Variants in ASB10 observed in about 807,000 individuals in gnomAD.
The protein encoded by ASB10 is ankyrin repeat and SOCS box containing 10, also known as ankyrin repeat and SOCS box protein 10.
Under a neutral mutation model 35.4 loss-of-function variants are expected in ASB10, and 44 were observed. The observed-to-expected ratio is 1.24, with a 90% CI of 0.98 to 1.60. ASB10 has a LOEUF of 1.60. ASB10 is among the 40% of genes most tolerant of loss of function. The pLI is 0.00. For missense variants in ASB10, 647 were observed against 634.3 expected (o/e 1.02, Z -0.22); for synonymous variants, 294 against 280.4 (o/e 1.05, Z -0.49).
upstream of ASB10, chr7:151,187,527 A>G (rs972142753): frequency 1.4e-5 from 21 of 1,551,308 alleles, no homozygotes; most frequent in Middle Eastern, 1.7e-4. The surrounding 1 kb of genome is among the most constrained non-coding windows in gnomAD (Gnocchi z 5.3). Context: ...TGCGGGGGGA[A>G]CAGCTCCTGC....
rs1563563641 is a variant in ASB10, at chr7:151,175,967, CT to C, written c.*1-2del. The C allele has an allele frequency of 4.7e-6, 5 of 1,074,314 alleles. No individual in the cohort carries two copies. Among genetic ancestry groups the C allele is most frequent in the Admixed American group, 6.0e-5 (2 of 33,422 alleles). The allele number at this position is 1,074,314 out of a possible 1,614,324, so 66.5% of individuals were successfully genotyped here. ...GGCCCTCTCAAAAGGCCATGGACAT[CT>C]GGAAGGAGAGGTTTGGATTCAGAGG... On this transcript the variant is annotated splice_acceptor_variant, in intron 5 of 5. Transcript: ENST00000420175. LOFTEE classifies it low-confidence loss of function (3UTR_SPLICE).
rs1257217829 is a variant in ASB10, at chr7:151,186,391, C to T, written c.584+1G>A. 2 of 1,582,596 alleles carry T rather than the reference C, an allele frequency of 1.3e-6. No homozygotes were observed. The highest frequency in any genetic ancestry group is 1.8e-5 in the Admixed American group (1 of 55,606). On this transcript the variant is annotated splice_donor_variant, in intron 2 of 5. Coordinates refer to ENST00000420175, the MANE Select transcript of ASB10 (RefSeq NM_001142459.2). LOFTEE classifies it high-confidence loss of function. ...GGGGGTTGGGGTGAGGGGTCACTCA[C>T]TCAAGGGTGCCAGGCCCCCGGCAGA... is the stretch of plus-strand genomic sequence containing the variant.
intron 2 of ASB10, among the ~76,000 whole-genome samples, chr7:151,181,795 G>A (rs764975130): frequency 8.0e-4 from 121 of 152,020 alleles, no homozygotes; most frequent in Non-Finnish European, 1.4e-3. Flanking sequence ...TGTGTATTTA[G>A]TAGAGATGGG....
In ASB10 at chr7:151,181,184, C is replaced by T. The variant is rs1300802233; in HGVS notation, c.859G>A (p.Ala287Thr). 15 of 1,611,876 alleles carry T rather than the reference C, an allele frequency of 9.3e-6. No homozygotes were observed. Among genetic ancestry groups the T allele is most frequent in the Admixed American group, 5.0e-5 (3 of 59,966 alleles). The part of the protein sequence containing the change: ...CSLLLSAGAD[A>T]DAADQDKQRP... ...TGCTTGTCCTGGTCCGCAGCATCAG[C>T]GTCTGCTCCAGCTGAAAGCAGCAAG... Residue 287 changes from alanine to threonine, a missense_variant, in exon 3 of 6, where the codon GCT becomes ACT. Physicochemically the swap from Ala to Thr is moderately conservative, Grantham distance 58. Transcript: ENST00000420175.
At chr7:151,184,180 G>A (rs564136911) in intron 2 of ASB10, among the ~76,000 whole-genome samples, 1 of 152,132 alleles carries the variant, frequency 6.6e-6, no homozygotes, top group African/African-American at 2.4e-5. Flanking sequence ...TTGGGAGGCC[G>A]AGGTGGGTGG....
chr7:151,175,875 T>C lies in ASB10; in HGVS notation c.*92A>G. Reference sequence around the variant, plus strand: ...CTGCCTGCGGAGCTGGGCCTCCTGCTGCCAGGGCTACCTGGCCTGAGTTAG... The same window carrying C: ...CTGCCTGCGGAGCTGGGCCTCCTGCCGCCAGGGCTACCTGGCCTGAGTTAG... On this transcript the variant is annotated 3_prime_UTR_variant, in exon 6 of 6. Coordinates refer to ENST00000420175, the MANE Select transcript of ASB10 (RefSeq NM_001142459.2). 3.8e-6 allele frequency: 2 copies of C among 522,968 alleles called. No individual in the cohort carries two copies. Among genetic ancestry groups the C allele is most frequent in the South Asian group, 5.9e-5 (2 of 34,054 alleles). The allele number at this position is 522,968 out of a possible 1,614,324, so 32.4% of individuals were successfully genotyped here.
At position 151,176,395 on chromosome 7, in the gene ASB10, G is replaced by T. The variant is rs567980404; in HGVS notation, c.1219-98C>A. 4.8e-6 allele frequency: 7 copies of T among 1,473,008 alleles called. No homozygotes were observed. The African/African-American group carries it at 7.1e-5, about 15-fold the overall frequency. The allele number at this position is 1,473,008 out of a possible 1,614,324, so 91.2% of individuals were successfully genotyped here. ...GCTGGTGAGGGGTGGGGCATCTACC[G>T]GAAGGAACCTATTAGAAACAATGAA... is the stretch of plus-strand genomic sequence containing the variant. On this transcript the variant is annotated intron_variant, in intron 4 of 5. Coordinates refer to ENST00000420175, the MANE Select transcript of ASB10 (RefSeq NM_001142459.2).
At position 151,175,903 on chromosome 7, in the gene ASB10, C is replaced by T; in HGVS notation, c.*64G>A. 1 of 611,692 alleles carries T rather than the reference C, an allele frequency of 1.6e-6. No individual in the cohort carries two copies. The highest frequency in any genetic ancestry group is 2.3e-5 in the South Asian group (1 of 43,390). 37.9% of individuals were successfully genotyped at this position (611,692 alleles called of 1,614,324 possible). ...CAGGGCTACCTGGCCTGAGTTAGTG[C>T]AGAGGCGCGCCCTCTGCAGGCTGGG... On this transcript the variant is annotated 3_prime_UTR_variant, in exon 6 of 6. Coordinates refer to ENST00000420175, the MANE Select transcript of ASB10 (RefSeq NM_001142459.2).
At chr7:151,184,607 G>A (rs1047035580) in intron 2 of ASB10, among the ~76,000 whole-genome samples, 3 of 152,154 alleles carry the variant, frequency 2.0e-5, no homozygotes, top group Non-Finnish European at 4.4e-5. Flanking sequence ...TGGGGTGGGT[G>A]GTTAGTGTTT....
At chr7:151,185,182 A>G (rs1347376321) in intron 2 of ASB10, among the ~76,000 whole-genome samples, 4 of 141,294 alleles carry the variant, frequency 2.8e-5, no homozygotes, top group Non-Finnish European at 6.0e-5. Flanking sequence ...GGCGCAATCT[A>G]ATCTCCGCTC....
intron 2 of ASB10, among the ~76,000 whole-genome samples, chr7:151,183,095 T>A (rs1584816101): frequency 6.6e-6 from 1 of 152,198 alleles, no homozygotes; most frequent in Non-Finnish European, 1.5e-5. Flanking sequence ...GTTCTTGAAA[T>A]GTGGCTAATC....
At position 151,184,400 on chromosome 7, in the gene ASB10, A is replaced by G. The variant is rs550092595; in HGVS notation, c.584+1992T>C. Reference sequence around the variant, plus strand: ...TGCACTCCAGCCTGGGCGACAGAGTAAAAAAAAAAAAAAGAAAGGAAGGAA... The same window carrying G: ...TGCACTCCAGCCTGGGCGACAGAGTGAAAAAAAAAAAAAGAAAGGAAGGAA... On this transcript the variant is annotated intron_variant, in intron 2 of 5. Transcript: ENST00000420175. Among the ~76,000 whole-genome samples, 26 of 48,904 alleles carry G rather than the reference A, an allele frequency of 5.3e-4. No individual in the cohort carries two copies. The South Asian group carries it at 0.01, about 19-fold the overall frequency. 32.1% of individuals were successfully genotyped at this position (48,904 alleles called of 152,430 possible).
At chr7:151,176,431 T>A (rs1426721606) in intron 4 of ASB10, 132 bp downstream of exon 4, 7 of 1,459,540 alleles carry the variant, frequency 4.8e-6, no homozygotes, top group Non-Finnish European at 5.5e-6. Flanking sequence ...TGTTTGAGTG[T>A]TCACTCTGCA....
chr7:151,187,674 AC>A, upstream of ASB10: 1 of 1,507,898 alleles, frequency 6.6e-7, no homozygotes, highest in Non-Finnish European at 8.9e-7. This position sits in a 1 kb window ranked among gnomAD's most constrained non-coding sequence, Gnocchi z 5.3. Context: ...GAGGGAAGGC[AC>A]CCCAGATGGT....
chr7:151,187,600 T>C, upstream of ASB10: 1 of 1,545,998 alleles, frequency 6.5e-7, no homozygotes, highest in Non-Finnish European at 8.8e-7. This position sits in a 1 kb window ranked among gnomAD's most constrained non-coding sequence, Gnocchi z 5.3. Flanking sequence ...AGAGCAGTGG[T>C]GATGGCCGAG....
chr7:151,176,006 C>G, intron 5 of ASB10, 40 bp from the exon 6 acceptor site: 1 of 1,338,718 alleles, frequency 7.5e-7, no homozygotes, highest in Non-Finnish European at 1.0e-6. Context: ...TCTGGTGGTT[C>G]GGGGACGGGC....
At chr7:151,176,947 G>T (rs990847434) in intron 3 of ASB10, among the ~76,000 whole-genome samples, 1 of 152,210 alleles carries the variant, frequency 6.6e-6, no homozygotes, top group Non-Finnish European at 1.5e-5. Context: ...CAGAAAAGAA[G>T]GCCACGTGAT....
upstream of ASB10, chr7:151,187,603 T>TCA: frequency 1.3e-6 from 2 of 1,545,280 alleles, no homozygotes; most frequent in Admixed American, 3.9e-5. This position sits in a 1 kb window ranked among gnomAD's most constrained non-coding sequence, Gnocchi z 5.3. Context: ...GCAGTGGTGA[T>TCA]GGCCGAGGGG....
Position 151,176,184 on chromosome 7 carries a change from C to A in ASB10, c.1332G>T (p.Ala444=), listed in dbSNP as rs754226202. 1.2e-6 allele frequency: 2 copies of A among 1,611,018 alleles called. No homozygotes were observed. Among genetic ancestry groups the A allele is most frequent in the East Asian group, 4.5e-5 (2 of 44,838 alleles). Residue 444 remains alanine (A), a synonymous_variant, in exon 5 of 6, where the codon GCG becomes GCT. Transcript: ENST00000420175. The part of the protein sequence containing the change: ...RSHLEGSLPQ[A]LPRLPLPPRL... Reference sequence around the variant, plus strand: ...GCGGTGGCAGGGGGAGGCGGGGCAGCGCTTGGGGCAGGCTGCCCTCCAGGT... The same window carrying A: ...GCGGTGGCAGGGGGAGGCGGGGCAGAGCTTGGGGCAGGCTGCCCTCCAGGT...
Sources: gnomAD v4.1 joint callset for allele counts (sites outside exome capture counted in the v4.1 genomes callset) on GRCh38, gnomAD v4.1.1 for gene constraint, Gnocchi (gnomAD v3.1) non-coding constraint, MANE v1.5 for transcripts, NCBI Gene and HGNC (gene_info 2026-07-23, HGNC 2026-07-21) for gene names.